PSMA1: variants seen among roughly 807,000 people sequenced by gnomAD.
The protein encoded by PSMA1 is proteasome subunit alpha type-1.
PSMA1 carries 3 observed loss-of-function variants against 38.4 expected under a neutral mutation model. That is an observed-to-expected ratio of 0.08 (90% CI 0.04 to 0.20). The LOEUF (loss-of-function observed/expected upper bound fraction) is 0.20, where lower values mean the gene tolerates loss of function less well. Ranked by LOEUF, PSMA1 falls within the 10% of genes least tolerant of loss-of-function variation. The probability of loss-of-function intolerance (pLI) is 1.00; values close to 1 mark genes in which losing one functional copy is unlikely to be tolerated. For synonymous variants in PSMA1, 101 were observed against 107.1 expected (o/e 0.94, Z 0.35); for missense variants, 227 against 325.3 (o/e 0.70, Z 2.32).
chr11:14,569,591 C>T (rs1011202997), intron 2 of PSMA1, among the ~76,000 whole-genome samples: 4 of 152,190 alleles, frequency 2.6e-5, no homozygotes, highest in Admixed American at 6.5e-5. Context: ...GGTCCCACAC[C>T]CACGGAGCCT....
chr11:14,611,151 C>T (rs991324788), exon 2 of PSMA1: 2 of 619,498 alleles, frequency 3.2e-6, no homozygotes, highest in Non-Finnish European at 5.8e-6. Flanking sequence ...GGGTGGAATA[C>T]CTGAAAGACA....
intron 2 of PSMA1, among the ~76,000 whole-genome samples, chr11:14,595,938 T>A (rs1344211376): frequency 6.6e-6 from 1 of 152,214 alleles, no homozygotes; most frequent in Non-Finnish European, 1.5e-5. Flanking sequence ...AAGGGAGGGA[T>A]CCAGTTTCAG....
chr11:14,536,778 A>G (rs1236918143), intron 2 of PSMA1, among the ~76,000 whole-genome samples: 1 of 151,766 alleles, frequency 6.6e-6, no homozygotes, highest in Non-Finnish European at 1.5e-5. Context: ...CGCCAGGCTA[A>G]TTTTGTTTTT....
At chr11:14,514,755 A>G (rs1312420852) in intron 4 of PSMA1, among the ~76,000 whole-genome samples, 1 of 152,196 alleles carries the variant, frequency 6.6e-6, no homozygotes, top group Non-Finnish European at 1.5e-5. Context: ...AGAGAAGAGA[A>G]GGCTGAACAA....
intron 7 of PSMA1, among the ~76,000 whole-genome samples, chr11:14,511,494 G>T (rs1239008063): frequency 6.9e-6 from 1 of 144,918 alleles, no homozygotes; most frequent in Admixed American, 7.3e-5. Context: ...CCAAGAATAA[G>T]TTAGTTTAAC....
intron 2 of PSMA1, among the ~76,000 whole-genome samples, chr11:14,600,851 G>A (rs1291938388): frequency 1.3e-5 from 2 of 152,210 alleles, no homozygotes; most frequent in African/African-American, 2.4e-5. Flanking sequence ...GCAGACAGGA[G>A]CTGTTCCTAT....
chr11:14,601,243 T>A (rs913874198), intron 2 of PSMA1, among the ~76,000 whole-genome samples: 136 of 152,186 alleles, frequency 8.9e-4, no homozygotes, highest in Non-Finnish European at 3.1e-4. Context: ...GTGGGACTTG[T>A]GTTGGAAACA....
At chr11:14,537,205 T>G (rs905423018) in intron 2 of PSMA1, among the ~76,000 whole-genome samples, 1 of 152,214 alleles carries the variant, frequency 6.6e-6, no homozygotes, top group Non-Finnish European at 1.5e-5. Flanking sequence ...GCAAACTAAG[T>G]GCGCAGTTCC....
intron 2 of PSMA1, among the ~76,000 whole-genome samples, chr11:14,531,031 A>G (rs1851642420): frequency 6.6e-6 from 1 of 152,160 alleles, no homozygotes; most frequent in Non-Finnish European, 1.5e-5. Flanking sequence ...CTTCTAGTAG[A>G]TAGTTTTATC....
intron 8 of PSMA1, 121 bp downstream of exon 8, chr11:14,510,751 G>T: frequency 1.8e-6 from 1 of 561,102 alleles, no homozygotes; most frequent in Non-Finnish European, 2.9e-6. Context: ...TAAAGGAAAA[G>T]AATCTGCCAA....
At chr11:14,608,930 T>C (rs1252921603) in intron 2 of PSMA1, among the ~76,000 whole-genome samples, 1 of 152,016 alleles carries the variant, frequency 6.6e-6, no homozygotes, top group Non-Finnish European at 1.5e-5. Context: ...AGTTAAAGTT[T>C]AAAAAAATTA....
intron 2 of PSMA1, among the ~76,000 whole-genome samples, chr11:14,564,593 T>C (rs1434499944): frequency 6.6e-6 from 1 of 152,176 alleles, no homozygotes; most frequent in East Asian, 1.9e-4. Context: ...GGTAGTCACA[T>C]GTTTAGCTTT....
At chr11:14,528,031 T>A (rs918360718) in intron 2 of PSMA1, among the ~76,000 whole-genome samples, 1 of 152,160 alleles carries the variant, frequency 6.6e-6, no homozygotes, top group South Asian at 2.1e-4. Flanking sequence ...TTCTAATCCT[T>A]CTTTAACAAA....
At chr11:14,545,069 T>A (rs1851811662) in intron 2 of PSMA1, among the ~76,000 whole-genome samples, 1 of 152,158 alleles carries the variant, frequency 6.6e-6, no homozygotes, top group African/African-American at 2.4e-5. Context: ...CTTTCTGTGG[T>A]GATAAAAAAT....
At chr11:14,520,523 A>T, upstream of PSMA1, 2 of 1,404,376 alleles carry the variant, frequency 1.4e-6, no homozygotes, top group Non-Finnish European at 1.9e-6. Context: ...AGATCTAGGA[A>T]CTGAGACTGG....
intron 2 of PSMA1, among the ~76,000 whole-genome samples, chr11:14,556,983 A>G (rs1002918181): frequency 1.3e-5 from 2 of 152,122 alleles, no homozygotes; most frequent in Non-Finnish European, 2.9e-5. Flanking sequence ...CTACAGGTGC[A>G]TACCCAGCTA....
At chr11:14,616,240 T>TG (rs985642604) in intron 1 of PSMA1, among the ~76,000 whole-genome samples, 3 of 150,024 alleles carry the variant, frequency 2.0e-5, no homozygotes, top group Non-Finnish European at 4.5e-5. Context: ...AGTTTTTTTT[T>TG]TTTTTTTTTT....
Position 14,531,679 on chromosome 11 carries a change from T to G in PSMA1, c.22-12638A>C, listed in dbSNP as rs1387172077. 2.0e-5 allele frequency among the ~76,000 whole-genome samples: 3 copies of G among 152,210 alleles called. No individual in the cohort carries two copies. In the East Asian group the frequency reaches 5.8e-4, roughly 29 times the overall value. On this transcript the variant is annotated intron_variant, in intron 2 of 10. Transcript: ENST00000418988. ...TTTGCCATGTTGCCCAAGCTGGTCT[T>G]GAACTCCTGAGCTCAAGTGATCCGC... is the stretch of plus-strand genomic sequence containing the variant.
intron 2 of PSMA1, among the ~76,000 whole-genome samples, chr11:14,598,063 G>T (rs986105610): frequency 2.0e-5 from 3 of 152,184 alleles, no homozygotes; most frequent in Non-Finnish European, 4.4e-5. Flanking sequence ...GTGGTTTTTA[G>T]TCATTTTCTT....
Sources: gnomAD v4.1 joint callset for allele counts (sites outside exome capture counted in the v4.1 genomes callset) on GRCh38, gnomAD v4.1.1 for gene constraint, MANE v1.5 for transcripts, NCBI Gene and HGNC (gene_info 2026-07-23, HGNC 2026-07-21) for gene names.